GMDS: variants seen among roughly 807,000 people sequenced by gnomAD.
The protein encoded by GMDS is GDP-mannose 4,6-dehydratase.
GMDS carries 20 observed loss-of-function variants against 49.9 expected under a neutral mutation model. That is an observed-to-expected ratio of 0.40 (90% CI 0.28 to 0.58). The LOEUF (loss-of-function observed/expected upper bound fraction) is 0.58, where lower values mean the gene tolerates loss of function less well. GMDS is among the 20% of genes least tolerant of loss of function. The pLI is 0.42. For synonymous variants in GMDS, 177 were observed against 178.6 expected (o/e 0.99, Z 0.07); for missense variants, 362 against 481.4 (o/e 0.75, Z 2.32).
chr6:1,783,916 CT>C (rs751683293), intron 7 of GMDS, among the ~76,000 whole-genome samples: 39 of 152,076 alleles, frequency 2.6e-4, no homozygotes, highest in Non-Finnish European at 4.4e-4. Context: ...TCCCTTGCCC[CT>C]GGGTCTATGC....
chr6:2,012,363 T>C (rs972793536), intron 4 of GMDS, among the ~76,000 whole-genome samples: 2 of 152,184 alleles, frequency 1.3e-5, no homozygotes, highest in Admixed American at 1.3e-4. Context: ...TCACACTAGA[T>C]AAAATTGTTG....
chr6:2,233,093 G>A (rs904537602), intron 1 of GMDS, among the ~76,000 whole-genome samples: 2 of 152,122 alleles, frequency 1.3e-5, no homozygotes, highest in East Asian at 1.9e-4. Flanking sequence ...GTACGACCTC[G>A]TAAATGTACT....
chr6:2,145,674 T>C (rs758236407), intron 1 of GMDS, among the ~76,000 whole-genome samples: 1 of 151,934 alleles, frequency 6.6e-6, no homozygotes, highest in Non-Finnish European at 1.5e-5. Flanking sequence ...AAAACAGCAA[T>C]GCCACATTTA....
intron 9 of GMDS, among the ~76,000 whole-genome samples, chr6:1,696,209 C>T (rs1765335001): frequency 6.6e-6 from 1 of 152,226 alleles, no homozygotes; most frequent in Non-Finnish European, 1.5e-5. Flanking sequence ...CCCTTTGACA[C>T]TGAGGAAGTG....
intron 4 of GMDS, among the ~76,000 whole-genome samples, chr6:2,102,124 T>C (rs1343124080): frequency 6.6e-6 from 1 of 152,030 alleles, no homozygotes; most frequent in Non-Finnish European, 1.5e-5. Context: ...CGTAAACAAA[T>C]GTAAAGCCAT....
At chr6:2,024,524 T>C (rs1396369633) in intron 4 of GMDS, among the ~76,000 whole-genome samples, 2 of 152,062 alleles carry the variant, frequency 1.3e-5, no homozygotes, top group African/African-American at 4.8e-5. Flanking sequence ...CAGTTCAGGG[T>C]TAAAGTGTTC....
chr6:2,020,821 G>A (rs1457510913), intron 4 of GMDS, among the ~76,000 whole-genome samples: 2 of 152,172 alleles, frequency 1.3e-5, no homozygotes, highest in African/African-American at 4.8e-5. Flanking sequence ...TCATAAGGAA[G>A]AATGTTGCTT....
At chr6:2,069,235 T>A (rs1486489774) in intron 4 of GMDS, among the ~76,000 whole-genome samples, 1 of 152,138 alleles carries the variant, frequency 6.6e-6, no homozygotes, top group East Asian at 1.9e-4. Flanking sequence ...TGAAACTGGA[T>A]CCCTTCCTTA....
rs146373682 is a variant in GMDS, at chr6:2,160,542, G to C, written c.103-35811C>G. ...AGAAAAATGTCATTCAATTGTCATGGTTGTTATATAAGTCTATGAAGATTT... is the reference window on the plus strand; with the variant it reads ...AGAAAAATGTCATTCAATTGTCATGCTTGTTATATAAGTCTATGAAGATTT... On this transcript the variant is annotated intron_variant, in intron 1 of 10. Transcript: ENST00000380815. 4.9e-3 allele frequency among the ~76,000 whole-genome samples: 753 copies of C among 152,230 alleles called. 9 individuals are homozygous for C. The highest frequency in any genetic ancestry group is 0.017 in the African/African-American group (712 of 41,524).
chr6:2,001,472 C>G (rs558092879), intron 4 of GMDS, among the ~76,000 whole-genome samples: 1 of 152,224 alleles, frequency 6.6e-6, no homozygotes, highest in South Asian at 2.1e-4. Flanking sequence ...TTTTGAAACA[C>G]AAAGGTTTCT....
chr6:1,959,364 A>G (rs185322953), intron 6 of GMDS, among the ~76,000 whole-genome samples: 93 of 152,334 alleles, frequency 6.1e-4, no homozygotes, highest in Middle Eastern at 3.4e-3. Context: ...AATCTTGTTA[A>G]AAAACTGATT....
chr6:1,835,392 C>G (rs1277491995), intron 7 of GMDS, among the ~76,000 whole-genome samples: 1 of 152,172 alleles, frequency 6.6e-6, no homozygotes, highest in East Asian at 1.9e-4. Flanking sequence ...CACAACATCT[C>G]ACATGCTGGG....
At position 1,772,562 on chromosome 6, in the gene GMDS, G is replaced by C. The variant is rs1228660244; in HGVS notation, c.772-29976C>G. On this transcript the variant is annotated intron_variant, in intron 7 of 10. Coordinates refer to ENST00000380815, the MANE Select transcript of GMDS (RefSeq NM_001500.4). ...AAAACGCTTGAACAGAGATGCAGAGGTCATCCACTGAAGTTTGGGGTGCAA... is the reference window on the plus strand; with the variant it reads ...AAAACGCTTGAACAGAGATGCAGAGCTCATCCACTGAAGTTTGGGGTGCAA... 2.0e-5 allele frequency among the ~76,000 whole-genome samples: 3 copies of C among 152,226 alleles called. No individual in the cohort carries two copies. In the South Asian group the frequency reaches 6.2e-4, roughly 31 times the overall value.
chr6:1,857,271 C>A (rs1757979990), intron 7 of GMDS, among the ~76,000 whole-genome samples: 1 of 152,200 alleles, frequency 6.6e-6, no homozygotes. Flanking sequence ...TTCAAAAAAT[C>A]ACCTGACAGT....
At position 2,245,301 on chromosome 6, in the gene GMDS, G is replaced by A. The variant is rs1463508399; in HGVS notation, c.102+20C>T. ...GTGCCCAGGCTGCCTCGGCCGGCGCGCCCCCGCCCCCGCACTCACCTGGCC... is the reference window on the plus strand; with the variant it reads ...GTGCCCAGGCTGCCTCGGCCGGCGCACCCCCGCCCCCGCACTCACCTGGCC... On this transcript the variant is annotated intron_variant, in intron 1 of 10. Transcript: ENST00000380815. 43 of 1,492,650 alleles carry A rather than the reference G, an allele frequency of 2.9e-5. No homozygotes were observed. The highest frequency in any genetic ancestry group is 3.9e-5 in the Admixed American group (2 of 50,878). 92.5% of individuals were successfully genotyped at this position (1,492,650 alleles called of 1,614,324 possible).
At chr6:2,055,935 A>G (rs1332157844) in intron 4 of GMDS, among the ~76,000 whole-genome samples, 3 of 152,148 alleles carry the variant, frequency 2.0e-5, no homozygotes, top group African/African-American at 7.2e-5. Context: ...TCATCATTGT[A>G]ATTTTTCAGT....
chr6:1,888,295 A>C (rs1759710020), intron 7 of GMDS, among the ~76,000 whole-genome samples: 1 of 152,096 alleles, frequency 6.6e-6, no homozygotes, highest in Admixed American at 6.5e-5. Flanking sequence ...ATCAACTCAC[A>C]GTTCAGCAAG....
intron 7 of GMDS, among the ~76,000 whole-genome samples, chr6:1,911,384 T>C (rs1024512242): frequency 1.1e-4 from 16 of 152,202 alleles, no homozygotes; most frequent in Non-Finnish European, 2.1e-4. Context: ...CCTCTGGGTT[T>C]GGGGAATGTT....
At chr6:2,083,988 A>G (rs1366268187) in intron 4 of GMDS, among the ~76,000 whole-genome samples, 1 of 152,224 alleles carries the variant, frequency 6.6e-6, no homozygotes, top group East Asian at 1.9e-4. Flanking sequence ...GTCAAATTAT[A>G]TGTCTCAAGG....
Sources: gnomAD v4.1 joint callset for allele counts (sites outside exome capture counted in the v4.1 genomes callset) on GRCh38, gnomAD v4.1.1 for gene constraint, MANE v1.5 for transcripts, NCBI Gene and HGNC (gene_info 2026-07-23, HGNC 2026-07-21) for gene names.